FADS2: variants seen among roughly 807,000 people sequenced by gnomAD.
FADS2 encodes the protein acyl-CoA 6-desaturase.
A neutral mutation model predicts 61.2 loss-of-function variants in FADS2; 18 were observed. That is an observed-to-expected ratio of 0.29 (90% CI 0.20 to 0.44). FADS2 has a LOEUF of 0.44. Ranked by LOEUF, FADS2 falls within the 20% of genes least tolerant of loss-of-function variation. The probability of loss-of-function intolerance (pLI) is 1.00; values close to 1 mark genes in which losing one functional copy is unlikely to be tolerated. For missense variants in FADS2, 322 were observed against 572.7 expected, an observed-to-expected ratio of 0.56 and a Z score of 4.47; for synonymous variants, 203 against 223.9, an observed-to-expected ratio of 0.91 and a Z score of 0.83.
At chr11:61,853,996 C>T (rs2135972784) in intron 5 of FADS2, among the ~76,000 whole-genome samples, 1 of 152,344 alleles carries the variant, frequency 6.6e-6, no homozygotes. Flanking sequence ...ACAGGAGAGT[C>T]AGCCCCGCCG....
rs2066990047 is a variant in FADS2, at chr11:61,816,844, T to C, written c.141+418T>C. On this transcript the variant is annotated intron_variant, in intron 1 of 11. Transcript: ENST00000257261. This position sits in a 1 kb window ranked among gnomAD's most constrained non-coding sequence, Gnocchi z 7.0. ...CCGCGGGCTCCAGGAGTGGATTTGC[T>C]GGCGCGCGCCCAGAGCCAGCCGCCT... 2 of 1,487,628 alleles carry C rather than the reference T, an allele frequency of 1.3e-6. No individual in the cohort carries two copies. Among genetic ancestry groups the C allele is most frequent in the Admixed American group, 2.3e-5 (1 of 42,566 alleles). The allele number at this position is 1,487,628 out of a possible 1,614,324, so 92.2% of individuals were successfully genotyped here. A position where few individuals can be genotyped will look rare whatever the true frequency, so the allele number is the denominator to read the frequency against.
intron 1 of FADS2, among the ~76,000 whole-genome samples, chr11:61,818,845 T>C (rs2067011152): frequency 1.4e-5 from 2 of 138,382 alleles, no homozygotes; most frequent in Admixed American, 1.7e-4. Flanking sequence ...CTGGAAAAAA[T>C]AGTTTGACAA....
chr11:61,840,453 T>G lies in FADS2; in HGVS notation c.438T>G (p.Ile146Met), dbSNP rs1413115433. Residue 146 changes from isoleucine to methionine, a missense_variant, in exon 3 of 12, where the codon ATT (isoleucine) becomes ATG (methionine). Ile to Met is a conservative substitution (Grantham distance 10). Transcript: ENST00000278840. ...LLAHIIALES[I>M]AWFTVFYFGN... is the part of the protein sequence containing the mutation. ...CCCACATCATCGCCCTGGAGAGCAT[T>G]GCATGGTTCACTGTCTTTTACTTTG... The G allele has an allele frequency of 6.2e-7, 1 of 1,614,192 alleles. No homozygotes were observed. The highest frequency in any genetic ancestry group is 1.1e-5 in the South Asian group (1 of 91,086).
chr11:61,846,474 C>T (rs1480783875), intron 4 of FADS2: 1 of 151,210 alleles, frequency 6.6e-6, no homozygotes, highest in Non-Finnish European at 1.5e-5. Flanking sequence ...TTTCCAGGGC[C>T]CTGAGGTTAC....
chr11:61,826,148 C>T, upstream of FADS2: 1 of 702,626 alleles, frequency 1.4e-6, no homozygotes, highest in Non-Finnish European at 2.6e-6. Flanking sequence ...GTAAAGTCCT[C>T]CCTTCCTACC....
chr11:61,866,451 G>A lies in FADS2; in HGVS notation c.*762G>A, dbSNP rs1321756618. The A allele has an allele frequency of 6.4e-6, 1 of 155,136 alleles. No individual in the cohort carries two copies. Among genetic ancestry groups the A allele is most frequent in the East Asian group, 1.9e-4 (1 of 5,330 alleles). The allele number at this position is 155,136 out of a possible 1,614,324, so 9.6% of individuals were successfully genotyped here. A position where few individuals can be genotyped will look rare whatever the true frequency, so the allele number is the denominator to read the frequency against. ...CCAAAGGGGGAGTCCCTCGTCTCTT[G>A]TGACTCAGCAGAGGCAGTGGCCACG... On this transcript the variant is annotated 3_prime_UTR_variant, in exon 12 of 12. Transcript: ENST00000278840.
intron 4 of FADS2, chr11:61,847,683 C>T: frequency 6.0e-6 from 1 of 167,844 alleles, no homozygotes. Context: ...AAGAATGCTG[C>T]TGTGAACACT....
At position 61,834,989 on chromosome 11, in the gene FADS2, AC is replaced by A. The variant is rs1266438504; in HGVS notation, c.208-2785del. On this transcript the variant is annotated intron_variant, in intron 1 of 11. Coordinates refer to ENST00000278840, the MANE Select transcript of FADS2 (RefSeq NM_004265.4). ...GGGCCTCCTCCCTGCCTGCCCCCCC[AC>A]CCCAGCCCTCCTCCCTGCCTGCCCC... Among the ~76,000 whole-genome samples, 8 of 26,172 alleles carry A rather than the reference AC, an allele frequency of 3.1e-4. 1 individual carries two copies. Among genetic ancestry groups the A allele is most frequent in the East Asian group, 1.9e-3 (1 of 538 alleles). 17.2% of individuals were successfully genotyped at this position (26,172 alleles called of 152,430 possible). A position where few individuals can be genotyped will look rare whatever the true frequency, so the allele number is the denominator to read the frequency against.
At chr11:61,856,798 G>T in intron 5 of FADS2, 1 of 581,454 alleles carries the variant, frequency 1.7e-6, no homozygotes, top group Non-Finnish European at 3.1e-6. Flanking sequence ...GGCTAGGGCT[G>T]AGGAAGCGTT....
At chr11:61,828,198 G>A, upstream of FADS2, 7 of 1,418,794 alleles carry the variant, frequency 4.9e-6, no homozygotes, top group South Asian at 6.1e-5. This position sits in a 1 kb window ranked among gnomAD's most constrained non-coding sequence, Gnocchi z 6.4. Context: ...TCCTCCGCCA[G>A]GAAGGCAGGG....
At chr11:61,860,147 C>G (rs938452025) in intron 7 of FADS2, among the ~76,000 whole-genome samples, 1 of 152,208 alleles carries the variant, frequency 6.6e-6, no homozygotes, top group Non-Finnish European at 1.5e-5. Flanking sequence ...TCCGGAGACA[C>G]TTTTAATTGT....
At chr11:61,849,177 G>A (rs940585240) in intron 5 of FADS2, among the ~76,000 whole-genome samples, 1 of 152,200 alleles carries the variant, frequency 6.6e-6, no homozygotes, top group African/African-American at 2.4e-5. Flanking sequence ...TTACAGGCAT[G>A]AGCCAACGTG....
chr11:61,849,457 G>A (rs1201074722), intron 5 of FADS2, among the ~76,000 whole-genome samples: 3 of 152,054 alleles, frequency 2.0e-5, no homozygotes, highest in Non-Finnish European at 1.5e-5. Context: ...ATGGTAGCAC[G>A]TGCCTAGTCT....
intron 1 of FADS2, among the ~76,000 whole-genome samples, chr11:61,832,967 G>A (rs1468524226): frequency 8.5e-5 from 13 of 152,350 alleles, no homozygotes; most frequent in South Asian, 4.1e-4. Context: ...CCTGGCACCA[G>A]GTGCTCAGTG....
intron 4 of FADS2, among the ~76,000 whole-genome samples, chr11:61,841,487 C>A (rs1421958247): frequency 1.7e-4 from 25 of 151,098 alleles, no homozygotes; most frequent in Non-Finnish European, 1.5e-5. Context: ...TTGCTTGAGC[C>A]CAGGAGTTCG....
At chr11:61,824,500 AAGG>A (rs1167689298), upstream of FADS2, among the ~76,000 whole-genome samples, 5 of 9,534 alleles carry the variant, frequency 5.2e-4, 1 homozygote, top group African/African-American at 7.3e-4. Context: ...GAAAGAAAGA[AAGG>A]AAAGAAAGAA....
At chr11:61,840,215 C>A (rs1565330077) in intron 2 of FADS2, 119 bp from the exon 3 acceptor site, 1 of 811,274 alleles carries the variant, frequency 1.2e-6, no homozygotes, top group South Asian at 1.5e-5. Context: ...TGTGGCTTGG[C>A]CCCCTCTTGC....
chr11:61,820,772 GCCTGTAAT>G, intron 1 of FADS2, among the ~76,000 whole-genome samples: 1 of 152,188 alleles, frequency 6.6e-6, no homozygotes, highest in South Asian at 2.1e-4. Flanking sequence ...GGTGGGGGGT[GCCTGTAAT>G]CCCAGCTACT....
intron 5 of FADS2, among the ~76,000 whole-genome samples, chr11:61,849,429 T>C (rs2067287734): frequency 1.3e-5 from 2 of 152,120 alleles, no homozygotes; most frequent in Admixed American, 6.5e-5. Flanking sequence ...AAATACATAT[T>C]TTTTTAGTTA....
Sources: allele counts gnomAD v4.1 joint callset (sites outside exome capture counted in the v4.1 genomes callset), GRCh38; gene constraint gnomAD v4.1.1; non-coding constraint Gnocchi (gnomAD v3.1); transcripts MANE v1.5; gene names NCBI Gene and HGNC (gene_info 2026-07-23, HGNC 2026-07-21).